The following SPAG16 variants were observed in gnomAD, a reference collection of about 807,000 sequenced individuals.
SPAG16 encodes sperm associated antigen 16.
In SPAG16, 86 loss-of-function variants were observed where a neutral mutation model predicts 80.4. The ratio of observed to expected loss-of-function variants is 1.07; its 90% CI spans 0.90 to 1.28. The LOEUF (loss-of-function observed/expected upper bound fraction) is 1.28, where lower values mean the gene tolerates loss of function less well. Ranked by LOEUF, SPAG16 falls within the 50% of genes most tolerant of loss-of-function variation. The pLI, the probability that SPAG16 is intolerant of heterozygous loss-of-function variation, is 0.00. For synonymous variants in SPAG16, 294 were observed against 265.9 expected (o/e 1.11, Z -1.03); for missense variants, 870 against 765.3 (o/e 1.14, Z -1.61).
intron 13 of SPAG16, among the ~76,000 whole-genome samples, chr2:214,018,396 A>G (rs557718362): frequency 1.3e-5 from 2 of 152,296 alleles, no homozygotes; most frequent in Admixed American, 6.5e-5. Flanking sequence ...TTTTTATCCC[A>G]GTGGTTCATA....
At chr2:213,883,574 C>T (rs560100401) in intron 11 of SPAG16, among the ~76,000 whole-genome samples, 34 of 152,244 alleles carry the variant, frequency 2.2e-4, no homozygotes, top group African/African-American at 7.7e-4. Context: ...TGTTAGTATT[C>T]TGCCTTGATG....
At chr2:213,323,903 C>G (rs1428182992) in intron 5 of SPAG16, among the ~76,000 whole-genome samples, 1 of 152,066 alleles carries the variant, frequency 6.6e-6, no homozygotes, top group Non-Finnish European at 1.5e-5. Flanking sequence ...CATGATTCCC[C>G]ATATATGAGG....
chr2:214,186,722 A>G (rs2057490152), intron 15 of SPAG16, among the ~76,000 whole-genome samples: 1 of 152,098 alleles, frequency 6.6e-6, no homozygotes, highest in Non-Finnish European at 1.5e-5. Context: ...AAAGAGCTCA[A>G]TACAGAAACA....
At chr2:214,278,637 T>C (rs1692659970) in intron 15 of SPAG16, among the ~76,000 whole-genome samples, 1 of 152,166 alleles carries the variant, frequency 6.6e-6, no homozygotes, top group African/African-American at 2.4e-5. Context: ...GAGAAAAAAC[T>C]TATTTTCTGG....
At chr2:213,984,662 A>G (rs2045920893) in intron 12 of SPAG16, among the ~76,000 whole-genome samples, 2 of 152,106 alleles carry the variant, frequency 1.3e-5, no homozygotes, top group African/African-American at 2.4e-5. Context: ...TGCTTTAGTT[A>G]TAGCTTTAAT....
At chr2:213,586,762 AC>A (rs2124892381) in intron 10 of SPAG16, among the ~76,000 whole-genome samples, 1 of 152,360 alleles carries the variant, frequency 6.6e-6, no homozygotes, top group South Asian at 2.1e-4. Flanking sequence ...TTTACAAATT[AC>A]AATGATGGGG....
intron 14 of SPAG16, among the ~76,000 whole-genome samples, chr2:214,144,640 A>G (rs1242699060): frequency 6.6e-6 from 1 of 152,148 alleles, no homozygotes; most frequent in Non-Finnish European, 1.5e-5. Flanking sequence ...AGTATGCAGT[A>G]TAACTCTTTG....
intron 14 of SPAG16, among the ~76,000 whole-genome samples, chr2:214,110,145 T>A (rs1238559887): frequency 6.6e-6 from 1 of 152,192 alleles, no homozygotes; most frequent in African/African-American, 2.4e-5. Context: ...TAGCTAATTT[T>A]TTTTATTATT....
chr2:214,018,256 A>C (rs534801778), intron 13 of SPAG16, among the ~76,000 whole-genome samples: 1 of 152,238 alleles, frequency 6.6e-6, no homozygotes, highest in East Asian at 1.9e-4. Flanking sequence ...TAATTTATTA[A>C]AAAACAAAAC....
chr2:214,095,887 T>C (rs1394316714), intron 13 of SPAG16, among the ~76,000 whole-genome samples: 1 of 151,934 alleles, frequency 6.6e-6, no homozygotes, highest in East Asian at 1.9e-4. Context: ...CTCAGAAACC[T>C]TGGAAAAATG....
chr2:213,765,145 C>A (rs543786200), intron 10 of SPAG16, among the ~76,000 whole-genome samples: 1 of 152,168 alleles, frequency 6.6e-6, no homozygotes, highest in Non-Finnish European at 1.5e-5. Context: ...CCGAGGCGGG[C>A]GGATCACAAG....
intron 15 of SPAG16, among the ~76,000 whole-genome samples, chr2:214,208,928 T>C (rs2058217575): frequency 6.6e-6 from 1 of 152,212 alleles, no homozygotes; most frequent in Non-Finnish European, 1.5e-5. Flanking sequence ...AAACTTTCAG[T>C]AGTTAATGCA....
At chr2:214,155,506 T>C (rs184074090) in intron 15 of SPAG16, among the ~76,000 whole-genome samples, 1 of 152,216 alleles carries the variant, frequency 6.6e-6, no homozygotes, top group African/African-American at 2.4e-5. Context: ...CTAAAAGATT[T>C]ACTTTTTTTT....
intron 9 of SPAG16, among the ~76,000 whole-genome samples, chr2:213,421,629 T>C (rs1335148343): frequency 6.6e-6 from 1 of 152,188 alleles, no homozygotes; most frequent in Non-Finnish European, 1.5e-5. Flanking sequence ...TGGGCCCACC[T>C]ATGGCCACCC....
intron 9 of SPAG16, among the ~76,000 whole-genome samples, chr2:213,401,045 GAGA>G (rs2068283067): frequency 6.6e-6 from 1 of 152,188 alleles, no homozygotes. Context: ...CTGGACTCAA[GAGA>G]TCTGTCTGTC....
At chr2:214,322,130 A>C (rs1275926036) in intron 15 of SPAG16, among the ~76,000 whole-genome samples, 3 of 152,194 alleles carry the variant, frequency 2.0e-5, no homozygotes, top group Non-Finnish European at 4.4e-5. Context: ...CTGTTAGCAC[A>C]CTGACTTAAA....
At chr2:213,777,237 ATTTTTTTTTTTTTT>A (rs59548915) in intron 10 of SPAG16, among the ~76,000 whole-genome samples, 33 of 82,758 alleles carry the variant, frequency 4.0e-4, no homozygotes, top group African/African-American at 1.3e-3. Flanking sequence ...GTTTGTAGGA[ATTTTTTTTTTTTTT>A]TTTTTTTTTT....
intron 10 of SPAG16, among the ~76,000 whole-genome samples, chr2:213,552,686 G>A (rs965554521): frequency 6.6e-6 from 1 of 152,114 alleles, no homozygotes; most frequent in African/African-American, 2.4e-5. Context: ...TTATTCCTGG[G>A]TGTGTCTGTG....
At chr2:213,446,591 T>G (rs1041475489) in intron 9 of SPAG16, among the ~76,000 whole-genome samples, 1 of 152,226 alleles carries the variant, frequency 6.6e-6, no homozygotes, top group Non-Finnish European at 1.5e-5. Context: ...ATTCTCCTCC[T>G]TATACTTTCT....
Sources: allele counts gnomAD v4.1 joint callset (sites outside exome capture counted in the v4.1 genomes callset), GRCh38; gene constraint gnomAD v4.1.1; transcripts MANE v1.5; gene names NCBI Gene and HGNC (gene_info 2026-07-23, HGNC 2026-07-21).